AFAP1L2: variants seen among roughly 807,000 people sequenced by gnomAD.
AFAP1L2 encodes actin filament associated protein 1 like 2.
AFAP1L2 carries 46 observed loss-of-function variants against 99.3 expected under a neutral mutation model. The observed-to-expected ratio is 0.46, with a 90% CI of 0.37 to 0.59. The LOEUF (loss-of-function observed/expected upper bound fraction) is 0.59. AFAP1L2 is among the 20% of genes least tolerant of loss of function. The pLI, the probability that AFAP1L2 is intolerant of heterozygous loss-of-function variation, is 0.00. For synonymous variants in AFAP1L2, 397 were observed against 419.1 expected, an observed-to-expected ratio of 0.95 and a Z score of 0.64; for missense variants, 959 against 1,034.9, an observed-to-expected ratio of 0.93 and a Z score of 1.01.
chr10:114,289,243 A>G, the AFAP1L2 span: 1 of 1,614,038 alleles, frequency 6.2e-7, no homozygotes, highest in Non-Finnish European at 8.5e-7. Flanking sequence ...GACCGTCCAG[A>G]GGGGTGCCCG....
At chr10:114,314,117 G>C in intron 6 of AFAP1L2, 67 bp from the exon 7 acceptor site, 8 of 1,512,350 alleles carry the variant, frequency 5.3e-6, no homozygotes, top group East Asian at 2.3e-5. Flanking sequence ...GTCTGCAAAG[G>C]AGGGGCCGCT....
intron 5 of AFAP1L2, 45 bp from the exon 6 acceptor site, chr10:114,315,810 C>G: frequency 6.4e-7 from 1 of 1,566,628 alleles, no homozygotes; most frequent in Non-Finnish European, 8.7e-7. Context: ...GGGCAGGGGA[C>G]AGTCCTGAAG....
At chr10:114,318,748 G>GAAAAAAAAA (rs58243775) in intron 5 of AFAP1L2, among the ~76,000 whole-genome samples, 1 of 118,888 alleles carries the variant, frequency 8.4e-6, no homozygotes, top group African/African-American at 3.1e-5. Context: ...CTAAAAAAAA[G>GAAAAAAAAA]AAAAAAAAAA....
chr10:114,358,743 C>T (rs1471224342), intron 1 of AFAP1L2, among the ~76,000 whole-genome samples: 19 of 151,934 alleles, frequency 1.3e-4, no homozygotes, highest in African/African-American at 4.1e-4. Flanking sequence ...GGCGAAACCC[C>T]GTCTCTACTA....
downstream of AFAP1L2, among the ~76,000 whole-genome samples, chr10:114,294,660 C>G (rs141787331): frequency 2.6e-5 from 4 of 152,196 alleles, no homozygotes; most frequent in East Asian, 7.7e-4. Context: ...GTTAACTGTA[C>G]AACTAAAATT....
At chr10:114,308,091 A>T (rs2042695845) in intron 9 of AFAP1L2, among the ~76,000 whole-genome samples, 182 bp from the exon 10 acceptor site, 1 of 152,226 alleles carries the variant, frequency 6.6e-6, no homozygotes. Context: ...TGCAGGCCAC[A>T]GTCAGGTGTC....
At chr10:114,298,692 T>TTAA (rs1418647116) in intron 16 of AFAP1L2, among the ~76,000 whole-genome samples, 1 of 152,162 alleles carries the variant, frequency 6.6e-6, no homozygotes, top group African/African-American at 2.4e-5. Context: ...CAATATTTTT[T>TTAA]TAATTTTGAA....
intron 1 of AFAP1L2, among the ~76,000 whole-genome samples, chr10:114,349,132 C>T (rs972723463): frequency 3.9e-5 from 6 of 151,992 alleles, no homozygotes; most frequent in African/African-American, 1.4e-4. Flanking sequence ...AACCCCAGCA[C>T]TTTGGGAGGC....
chr10:114,333,835 A>G (rs2047554463), intron 2 of AFAP1L2, among the ~76,000 whole-genome samples: 1 of 152,232 alleles, frequency 6.6e-6, no homozygotes, highest in South Asian at 2.1e-4. Flanking sequence ...AAAAGAAAAA[A>G]GAAATCCTAA....
Position 114,377,189 on chromosome 10 carries a change from G to A in AFAP1L2, c.16+27251C>T. 6.6e-6 allele frequency among the ~76,000 whole-genome samples: 1 copy of A among 152,232 alleles called. No individual in the cohort carries two copies. On this transcript the variant is annotated intron_variant, in intron 1 of 18. Coordinates refer to ENST00000304129, the MANE Select transcript of AFAP1L2 (RefSeq NM_001001936.3). The surrounding 1 kb of genome is among the most constrained non-coding windows in gnomAD (Gnocchi z 4.0). ...AACACTTCTGAACAACCAAATATGAGATACTATGAACTCCATCTAACCTAG... is the reference window on the plus strand; with the variant it reads ...AACACTTCTGAACAACCAAATATGAAATACTATGAACTCCATCTAACCTAG...
intron 2 of AFAP1L2, 152 bp downstream of exon 2, chr10:114,340,451 C>G: frequency 9.1e-7 from 1 of 1,094,038 alleles, no homozygotes. Flanking sequence ...CTATTGATAC[C>G]TTGATGTTAG....
chr10:114,354,239 C>T lies in AFAP1L2; in HGVS notation c.17-13508G>A, dbSNP rs1014752953. Among the ~76,000 whole-genome samples the T allele has an allele frequency of 3.3e-5, 5 of 152,088 alleles. No individual in the cohort carries two copies. The South Asian group carries it at 6.2e-4, about 19-fold the overall frequency. ...TTAGGAAGAGTGGAAGAGCAAAAGC[C>T]GCCACACAAAGGAGCAATTTTAGTA... On this transcript the variant is annotated intron_variant, in intron 1 of 18. Coordinates refer to ENST00000304129, the MANE Select transcript of AFAP1L2 (RefSeq NM_001001936.3).
At chr10:114,326,116 C>T in intron 4 of AFAP1L2, 2 of 1,179,440 alleles carry the variant, frequency 1.7e-6, no homozygotes, top group Non-Finnish European at 1.1e-6. Flanking sequence ...ACCACAGGGT[C>T]TGTCCCTGGG....
In AFAP1L2 at chr10:114,348,803, G is replaced by C. The variant is rs79885524; in HGVS notation, c.17-8072C>G. On this transcript the variant is annotated intron_variant, in intron 1 of 18. Coordinates refer to ENST00000304129, the MANE Select transcript of AFAP1L2 (RefSeq NM_001001936.3). Reference sequence around the variant, plus strand: ...CCCAGAATTCTGCTGTCATTCCTCTGGGTGTGACCTGGGGCAGCACTTTTC... The same window carrying C: ...CCCAGAATTCTGCTGTCATTCCTCTCGGTGTGACCTGGGGCAGCACTTTTC... 2.4e-3 allele frequency among the ~76,000 whole-genome samples: 373 copies of C among 152,296 alleles called. 4 individuals are homozygous for C. The highest frequency in any genetic ancestry group is 8.6e-3 in the African/African-American group (357 of 41,562).
At chr10:114,404,709 T>G (rs2058563598), upstream of AFAP1L2, 1 of 383,844 alleles carries the variant, frequency 2.6e-6, no homozygotes, top group Non-Finnish European at 4.4e-6. Flanking sequence ...GGCTCTTGAG[T>G]CGGTGCGCGC....
At position 114,304,742 on chromosome 10, in the gene AFAP1L2, C is replaced by G; in HGVS notation, c.1261G>C (p.Gly421Arg). 6.2e-7 allele frequency: 1 copy of G among 1,610,690 alleles called. No individual in the cohort carries two copies. The highest frequency in any genetic ancestry group is 1.1e-5 in the South Asian group (1 of 91,034). Residue 421 changes from glycine (G) to arginine (R), a missense_variant, in exon 11 of 19, where the codon GGC becomes CGC. Coordinates refer to ENST00000304129, the MANE Select transcript of AFAP1L2 (RefSeq NM_001001936.3). The part of the protein sequence containing the change: ...HLYSFRILHK[G>R]EELAKLEAKS... ...ACCTCAAGCTTGGCCAGCTCCTCGC[C>G]CTTGTGGAGGATGCGGAAGGAGTAG...
intron 18 of AFAP1L2, 90 bp downstream of exon 18, chr10:114,296,888 A>G: frequency 6.2e-7 from 1 of 1,603,740 alleles, no homozygotes; most frequent in Non-Finnish European, 8.5e-7. Context: ...TGGTGCCAAA[A>G]GCCACAAAGC....
In AFAP1L2 at chr10:114,310,400, T is replaced by G; in HGVS notation, c.836A>C (p.Glu279Ala). 6.2e-7 allele frequency: 1 copy of G among 1,614,026 alleles called. No individual in the cohort carries two copies. The highest frequency in any genetic ancestry group is 1.7e-5 in the Admixed American group (1 of 60,008). ...VSGLPSEGAS[E>A]GNQYTPDAQR... is the part of the protein sequence containing the mutation. Reference sequence around the variant, plus strand: ...GGCATCCGGGGTGTACTGGTTTCCTTCAGATGCTCCTTCGGAAGGCAGGCC... The same window carrying G: ...GGCATCCGGGGTGTACTGGTTTCCTGCAGATGCTCCTTCGGAAGGCAGGCC... Residue 279 changes from glutamate (E) to alanine (A), a missense_variant, in exon 8 of 19, where the codon GAA becomes GCA. By Grantham distance (107) the Glu-to-Ala change is moderately radical. Coordinates refer to ENST00000304129, the MANE Select transcript of AFAP1L2 (RefSeq NM_001001936.3).
intron 1 of AFAP1L2, chr10:114,398,970 C>T (rs780473391): frequency 1.2e-4 from 146 of 1,248,272 alleles, no homozygotes; most frequent in Non-Finnish European, 1.5e-4. Context: ...GCTTTCATCT[C>T]CATTTCTGGA....
Sources: allele counts gnomAD v4.1 joint callset (sites outside exome capture counted in the v4.1 genomes callset), GRCh38; gene constraint gnomAD v4.1.1; non-coding constraint Gnocchi (gnomAD v3.1); transcripts MANE v1.5; gene names NCBI Gene and HGNC (gene_info 2026-07-23, HGNC 2026-07-21).